LUC7L2: variants seen among roughly 807,000 people sequenced by gnomAD.
The protein encoded by LUC7L2 is LUC7 like 2, pre-mRNA splicing factor, also known as putative RNA-binding protein Luc7-like 2.
Under a neutral mutation model 52.8 loss-of-function variants are expected in LUC7L2, and 25 were observed. The ratio of observed to expected loss-of-function variants is 0.47; its 90% CI spans 0.34 to 0.66. The LOEUF (loss-of-function observed/expected upper bound fraction) is 0.66. Among genes scored for constraint, LUC7L2 ranks in the 30% least tolerant of loss-of-function variants. LUC7L2 has a pLI of 0.01. For missense variants in LUC7L2, 328 were observed against 497.8 expected (o/e 0.66, Z 3.25); for synonymous variants, 144 against 160.9 (o/e 0.89, Z 0.80).
At chr7:139,420,278 G>A (rs565819661) in intron 9 of LUC7L2, among the ~76,000 whole-genome samples, 3 of 151,932 alleles carry the variant, frequency 2.0e-5, no homozygotes, top group Non-Finnish European at 2.9e-5. Flanking sequence ...ATCTCGGCTC[G>A]TTGCAACCTC....
Position 139,381,352 on chromosome 7 carries a change from A to ATATTTTATTTTATTT in LUC7L2, c.156+5208_156+5222dup, listed in dbSNP as rs146531298. ...CGTTCTATTTCAACTCAAATTTTAC[A>ATATTTTATTTTATTT]TATTTTATTTTATTTTATTTTATTT... On this transcript the variant is annotated intron_variant, in intron 2 of 9. Coordinates refer to ENST00000354926, the MANE Select transcript of LUC7L2 (RefSeq NM_016019.5). Among the ~76,000 whole-genome samples the ATATTTTATTTTATTT allele has an allele frequency of 1.4e-4, 20 of 144,812 alleles. 1 individual carries two copies. Among genetic ancestry groups the ATATTTTATTTTATTT allele is most frequent in the African/African-American group, 5.4e-4 (19 of 35,498 alleles).
At chr7:139,389,590 C>T (rs972476809) in intron 2 of LUC7L2, among the ~76,000 whole-genome samples, 12 of 152,040 alleles carry the variant, frequency 7.9e-5, no homozygotes, top group Non-Finnish European at 5.9e-5. Context: ...TAAAGATAGC[C>T]CTCTTTTGTG....
chr7:139,360,482 G>C (rs1799815409), intron 1 of LUC7L2, among the ~76,000 whole-genome samples, 160 bp downstream of exon 1: 1 of 152,204 alleles, frequency 6.6e-6, no homozygotes, highest in African/African-American at 2.4e-5. Flanking sequence ...TCAGGGCTCG[G>C]CAGGCGGGCA....
At chr7:139,375,968 A>G in intron 1 of LUC7L2, 94 bp from the exon 2 acceptor site, 3 of 1,281,482 alleles carry the variant, frequency 2.3e-6, no homozygotes, top group Admixed American at 1.9e-5. Context: ...ATGTGTGTAT[A>G]TAGCCACACA....
chr7:139,393,535 C>G (rs572960006), intron 2 of LUC7L2, among the ~76,000 whole-genome samples: 1 of 152,314 alleles, frequency 6.6e-6, no homozygotes, highest in East Asian at 1.9e-4. Context: ...AAACCTCTGC[C>G]TCCTGGGTTC....
intron 1 of LUC7L2, among the ~76,000 whole-genome samples, chr7:139,350,146 G>T (rs1380762326): frequency 1.3e-5 from 2 of 151,996 alleles, no homozygotes; most frequent in African/African-American, 4.8e-5. Flanking sequence ...TTTTGAGACG[G>T]AGTCTCGCTC....
In LUC7L2 at chr7:139,417,725, A is replaced by G. The variant is rs761000195; in HGVS notation, c.997A>G (p.Arg333Gly). Residue 333 changes from arginine (R) to glycine (G), a missense_variant, in exon 9 of 10, where the codon AGG becomes GGG. Coordinates refer to ENST00000354926, the MANE Select transcript of LUC7L2 (RefSeq NM_016019.5). ...SRDRSRERSK[R>G]RSSKERFRDQ... ...AGATAGGAGCAGAGAACGATCCAAG[A>G]GGAGGTATTGATGTGTCAATCAGAG... 1 of 1,613,818 alleles carries G rather than the reference A, an allele frequency of 6.2e-7. No individual in the cohort carries two copies. The highest frequency in any genetic ancestry group is 1.7e-5 in the Admixed American group (1 of 60,012).
In LUC7L2 at chr7:139,405,882, A is replaced by T. The variant is rs929512805; in HGVS notation, c.510+95A>T. On this transcript the variant is annotated intron_variant, in intron 5 of 9. Transcript: ENST00000354926. ...AAACTTCAGTATCTATACTTCTCTA[A>T]GAACATGTATTTGAATGGAAATTAT... The T allele has an allele frequency of 2.1e-5, 30 of 1,402,124 alleles. No homozygotes were observed. In the African/African-American group the frequency reaches 4.2e-4, roughly 20 times the overall value. The allele number at this position is 1,402,124 out of a possible 1,614,324, so 86.9% of individuals were successfully genotyped here.
At chr7:139,345,358 T>G (rs1191621893) in intron 1 of LUC7L2, 2 of 1,277,992 alleles carry the variant, frequency 1.6e-6, no homozygotes, top group African/African-American at 1.5e-5. Flanking sequence ...ATAGATGTAT[T>G]AAGTATACAT....
intron 2 of LUC7L2, among the ~76,000 whole-genome samples, chr7:139,380,224 G>A (rs1412584277): frequency 2.6e-5 from 4 of 151,914 alleles, no homozygotes; most frequent in Admixed American, 6.6e-5. Context: ...CAGAACAGAG[G>A]ATCAAAATAA....
At chr7:139,367,511 T>C (rs979675419) in intron 1 of LUC7L2, among the ~76,000 whole-genome samples, 1 of 152,236 alleles carries the variant, frequency 6.6e-6, no homozygotes, top group African/African-American at 2.4e-5. Flanking sequence ...GAACTTTTTT[T>C]CTTGACTTAA....
At chr7:139,361,311 T>C (rs1313193407) in intron 1 of LUC7L2, among the ~76,000 whole-genome samples, 1 of 152,258 alleles carries the variant, frequency 6.6e-6, no homozygotes, top group East Asian at 1.9e-4. Flanking sequence ...TTTAGGCAGA[T>C]AGTTTCTTAG....
At chr7:139,405,534 ACCACATACTG>A (rs1247247125) in intron 4 of LUC7L2, 100 bp from the exon 5 acceptor site, 1 of 1,339,508 alleles carries the variant, frequency 7.5e-7, no homozygotes, top group Non-Finnish European at 9.9e-7. Flanking sequence ...GCATTCTTTA[ACCACATACTG>A]CCTTAGATAA....
intron 1 of LUC7L2, among the ~76,000 whole-genome samples, chr7:139,370,321 AGGTGGGAGAAGTTGGTAGAGTG>A (rs1800380998): frequency 6.6e-6 from 1 of 152,242 alleles, no homozygotes; most frequent in Non-Finnish European, 1.5e-5. Context: ...CAACAAAGGT[AGGTGGGAGAAGTTGGTAGAGTG>A]GGTGAGAAAG....
At chr7:139,391,731 G>T (rs1668549539) in intron 2 of LUC7L2, among the ~76,000 whole-genome samples, 1 of 152,044 alleles carries the variant, frequency 6.6e-6, no homozygotes, top group Non-Finnish European at 1.5e-5. Context: ...TGGGATTCCA[G>T]GCATGTCACC....
chr7:139,415,937 C>A (rs1161925887), intron 8 of LUC7L2, among the ~76,000 whole-genome samples: 1 of 151,056 alleles, frequency 6.6e-6, no homozygotes, highest in Non-Finnish European at 1.5e-5. Context: ...TATTTGTAAA[C>A]TATCTCATAT....
At chr7:139,356,607 A>C (rs1799614840), upstream of LUC7L2, among the ~76,000 whole-genome samples, 1 of 128,740 alleles carries the variant, frequency 7.8e-6, no homozygotes, top group African/African-American at 4.2e-5. Context: ...CATGGTGAAA[A>C]CCTGCGTTAA....
At chr7:139,377,537 G>A (rs1161930654) in intron 2 of LUC7L2, among the ~76,000 whole-genome samples, 1 of 152,140 alleles carries the variant, frequency 6.6e-6, no homozygotes, top group Non-Finnish European at 1.5e-5. Context: ...GGGATTACAG[G>A]TGCCCACCAC....
intron 7 of LUC7L2, 132 bp downstream of exon 7, chr7:139,409,786 A>G (rs1795276801): frequency 2.3e-6 from 3 of 1,298,854 alleles, no homozygotes; most frequent in African/African-American, 1.5e-5. Context: ...TTTAAAAAAT[A>G]TTACTGTGCG....
Sources: allele counts gnomAD v4.1 joint callset (sites outside exome capture counted in the v4.1 genomes callset), GRCh38; gene constraint gnomAD v4.1.1; transcripts MANE v1.5; gene names NCBI Gene and HGNC (gene_info 2026-07-23, HGNC 2026-07-21).